NCOA2: variants seen among roughly 807,000 people sequenced by gnomAD.
NCOA2 encodes the protein class E basic helix-loop-helix protein 75.
A neutral mutation model predicts 145.1 loss-of-function variants in NCOA2; 21 were observed. That is an observed-to-expected ratio of 0.14 (90% CI 0.10 to 0.21). NCOA2 has a LOEUF of 0.21. Ranked by LOEUF, NCOA2 falls within the 10% of genes least tolerant of loss-of-function variation. The pLI is 1.00. For missense variants in NCOA2, 1,472 were observed against 1,837.6 expected, an observed-to-expected ratio of 0.80 and a Z score of 3.64; for synonymous variants, 619 against 637.5, an observed-to-expected ratio of 0.97 and a Z score of 0.44.
At chr8:70,127,137 G>GT in intron 18 of NCOA2, 90 bp from the exon 19 acceptor site, 1 of 872,292 alleles carries the variant, frequency 1.1e-6, no homozygotes, top group Non-Finnish European at 1.8e-6. Context: ...CTAGCAAATG[G>GT]TACTATCATC....
the NCOA2 span, chr8:70,424,545 T>A: frequency 3.0e-5 from 16 of 529,082 alleles, no homozygotes; most frequent in Admixed American, 9.7e-5. Context: ...TCGCAAAATA[T>A]GCTGGAATTT....
the NCOA2 span, among the ~76,000 whole-genome samples, chr8:70,430,980 T>C: frequency 6.6e-6 from 1 of 152,208 alleles, no homozygotes; most frequent in African/African-American, 2.4e-5. Flanking sequence ...TCTCCACTGA[T>C]AAATGCTCAA....
chr8:70,333,269 CCA>C, intron 1 of NCOA2, among the ~76,000 whole-genome samples: 1 of 152,180 alleles, frequency 6.6e-6, no homozygotes, highest in East Asian at 1.9e-4. Flanking sequence ...TGAACCATGC[CCA>C]GAGTATTCCT....
At chr8:70,405,152 G>A (rs1814709732), upstream of NCOA2, among the ~76,000 whole-genome samples, 1 of 152,170 alleles carries the variant, frequency 6.6e-6, no homozygotes, top group South Asian at 2.1e-4. Flanking sequence ...GAGGATGTGA[G>A]CCCAGTTCTG....
chr8:70,163,827 A>G (rs1813321514), intron 7 of NCOA2, among the ~76,000 whole-genome samples: 1 of 152,190 alleles, frequency 6.6e-6, no homozygotes, highest in Non-Finnish European at 1.5e-5. Flanking sequence ...ATGTGATGGA[A>G]ATACATCGAC....
At chr8:70,154,855 A>C (rs1156350554) in intron 11 of NCOA2, among the ~76,000 whole-genome samples, 3 of 152,222 alleles carry the variant, frequency 2.0e-5, no homozygotes. Context: ...GAGTAAGTTC[A>C]AGAGATCTAT....
intron 2 of NCOA2, among the ~76,000 whole-genome samples, chr8:70,231,438 G>T (rs1169737051): frequency 2.0e-5 from 3 of 152,168 alleles, no homozygotes; most frequent in Non-Finnish European, 4.4e-5. Context: ...GCAAAATGTG[G>T]GTTCCACTGG....
upstream of NCOA2, among the ~76,000 whole-genome samples, chr8:70,408,148 C>A (rs1461493155): frequency 1.3e-5 from 2 of 151,858 alleles, no homozygotes; most frequent in African/African-American, 2.4e-5. Flanking sequence ...TTGGCTCTTA[C>A]TAACTGGGTG....
Position 70,113,295 on chromosome 8 carries a change from A to G in NCOA2, c.*337T>C. On this transcript the variant is annotated 3_prime_UTR_variant, in exon 23 of 23. Coordinates refer to ENST00000452400, the MANE Select transcript of NCOA2 (RefSeq NM_006540.4). ...ACAGAACAAGAGCATGGTTCTCCTT[A>G]AATACATACATTTAAATACATTCAA... The G allele has an allele frequency of 2.6e-6, 1 of 388,654 alleles. No homozygotes were observed. Among genetic ancestry groups the G allele is most frequent in the South Asian group, 6.5e-5 (1 of 15,286 alleles). 24.1% of individuals were successfully genotyped at this position (388,654 alleles called of 1,614,324 possible). A position where few individuals can be genotyped will look rare whatever the true frequency, so the allele number is the denominator to read the frequency against.
At chr8:70,376,156 A>G (rs1038234352) in intron 1 of NCOA2, among the ~76,000 whole-genome samples, 1 of 152,210 alleles carries the variant, frequency 6.6e-6, no homozygotes, top group Non-Finnish European at 1.5e-5. Context: ...GAGGAGGATA[A>G]GTATTTCCAA....
chr8:70,274,520 C>T (rs538732342), intron 2 of NCOA2, among the ~76,000 whole-genome samples: 2 of 152,262 alleles, frequency 1.3e-5, no homozygotes, highest in South Asian at 2.1e-4. Flanking sequence ...TTACCAATCA[C>T]AAAATTCTTT....
At chr8:70,122,135 G>A (rs548834717) in intron 21 of NCOA2, among the ~76,000 whole-genome samples, 326 of 152,252 alleles carry the variant, frequency 2.1e-3, no homozygotes, top group Non-Finnish European at 3.8e-3. Flanking sequence ...TACTTTGTAC[G>A]CTTTTCCTCA....
At chr8:70,249,339 G>C (rs918273847) in intron 2 of NCOA2, among the ~76,000 whole-genome samples, 2 of 152,124 alleles carry the variant, frequency 1.3e-5, no homozygotes, top group African/African-American at 4.8e-5. Context: ...TGATTACGTT[G>C]CAATATGAAA....
chr8:70,216,900 G>A, intron 2 of NCOA2, 136 bp from the exon 3 acceptor site: 1 of 581,140 alleles, frequency 1.7e-6, no homozygotes, highest in Non-Finnish European at 3.1e-6. Flanking sequence ...TGTTTTATGT[G>A]CATGTATAAT....
At position 70,216,648 on chromosome 8, in the gene NCOA2, C is replaced by T. The variant is rs1190931732; in HGVS notation, c.86+12G>A. 3.1e-6 allele frequency: 5 copies of T among 1,600,590 alleles called. No individual in the cohort carries two copies. Among genetic ancestry groups the T allele is most frequent in the Non-Finnish European group, 4.3e-6 (5 of 1,167,922 alleles). ...AGACAATACTGATTCCTTTTCTCAGCAAGAATCTAACCTGGGTCCAAGTTG... is the reference window on the plus strand; with the variant it reads ...AGACAATACTGATTCCTTTTCTCAGTAAGAATCTAACCTGGGTCCAAGTTG... On this transcript the variant is annotated intron_variant, in intron 3 of 22. Transcript: ENST00000452400.
At chr8:70,245,578 T>TCACATA (rs1355788119) in intron 2 of NCOA2, among the ~76,000 whole-genome samples, 1 of 151,914 alleles carries the variant, frequency 6.6e-6, no homozygotes, top group Non-Finnish European at 1.5e-5. Context: ...TCTCACTCTC[T>TCACATA]CACATACACA....
At chr8:70,314,934 T>C (rs1805468644) in intron 1 of NCOA2, among the ~76,000 whole-genome samples, 1 of 152,202 alleles carries the variant, frequency 6.6e-6, no homozygotes, top group African/African-American at 2.4e-5. Flanking sequence ...CTGATGTGGG[T>C]TGATACCACT....
rs748170612 is a variant in NCOA2, at chr8:70,123,895, C to T, written c.4282G>A (p.Gly1428Ser). 10 of 1,611,812 alleles carry T rather than the reference C, an allele frequency of 6.2e-6. No homozygotes were observed. The highest frequency in any genetic ancestry group is 8.5e-6 in the Non-Finnish European group (10 of 1,178,578). Residue 1428 changes from glycine (G) to serine (S), a missense_variant, in exon 21 of 23, where the codon GGT becomes AGT. Physicochemically the swap from Gly to Ser is moderately conservative, Grantham distance 56. Around this residue, in one of 4 missense-constraint regions of NCOA2, gnomAD observed 232 missense variants for 290.6 expected, o/e 0.80. Transcript: ENST00000452400. ...SVPTSGLSSMGPEQVNDPALR... is the reference protein window; with the variant it reads ...SVPTSGLSSMSPEQVNDPALR... ...CCTTGGGCACTCACCTGCTCGGGAC[C>T]CATGGAGGACAGCCCTGACGTAGGC... is the stretch of plus-strand genomic sequence containing the variant.
At chr8:70,309,165 C>G (rs747276728) in intron 1 of NCOA2, among the ~76,000 whole-genome samples, 5 of 152,040 alleles carry the variant, frequency 3.3e-5, no homozygotes, top group Non-Finnish European at 7.4e-5. Context: ...CCAGCCAGGC[C>G]CCATCTATTA....
Sources: gnomAD v4.1 joint callset for allele counts (sites outside exome capture counted in the v4.1 genomes callset) on GRCh38, gnomAD v4.1.1 for gene constraint, gnomAD v4.1.1 regional missense constraint, MANE v1.5 for transcripts, NCBI Gene and HGNC (gene_info 2026-07-23, HGNC 2026-07-21) for gene names.